TMEM120B: variants seen among roughly 807,000 people sequenced by gnomAD.
The protein encoded by TMEM120B is transmembrane protein 120B.
TMEM120B carries 31 observed loss-of-function variants against 55.5 expected under a neutral mutation model. The ratio of observed to expected loss-of-function variants is 0.56; its 90% CI spans 0.42 to 0.75. TMEM120B has a LOEUF of 0.75. TMEM120B is among the 30% of genes least tolerant of loss of function. TMEM120B has a pLI of 0.00. For synonymous variants in TMEM120B, 203 were observed against 176.3 expected, an observed-to-expected ratio of 1.15 and a Z score of -1.20; for missense variants, 399 against 425.5, an observed-to-expected ratio of 0.94 and a Z score of 0.55.
At chr12:121,720,724 A>C (rs1272871212) in intron 1 of TMEM120B, among the ~76,000 whole-genome samples, 1 of 152,102 alleles carries the variant, frequency 6.6e-6, no homozygotes, top group East Asian at 1.9e-4. Context: ...CAAAAGAAAA[A>C]AAAAAGGAAT....
intron 6 of TMEM120B, among the ~76,000 whole-genome samples, chr12:121,770,319 TCACA>T (rs1281335759): frequency 6.6e-6 from 1 of 152,000 alleles, no homozygotes; most frequent in Non-Finnish European, 1.5e-5. Flanking sequence ...GAGACACCAG[TCACA>T]CTGGACTAGG....
At chr12:121,725,894 G>A (rs948809417) in intron 1 of TMEM120B, among the ~76,000 whole-genome samples, 20 of 152,068 alleles carry the variant, frequency 1.3e-4, no homozygotes, top group Middle Eastern at 3.4e-3. Context: ...AGAATTAGCC[G>A]GGTGTGGTGA....
chr12:121,757,148 G>A (rs1873501231), intron 5 of TMEM120B, among the ~76,000 whole-genome samples: 4 of 151,290 alleles, frequency 2.6e-5, no homozygotes, highest in Middle Eastern at 6.8e-3. Flanking sequence ...GGTGGGGGGG[G>A]GGGGTGTCAC....
In TMEM120B at chr12:121,752,204, C is replaced by A; in HGVS notation, c.442C>A (p.Arg148=). The change falls in exon 5 of 12, where the codon CGA becomes AGA. Residue 148 remains arginine (R), a synonymous_variant. Transcript: ENST00000449592. ...IILLLGAVAC[R]FVLHYRVTDE... is the part of the protein sequence containing the mutation. ...CCTGCTCCTGGGTGCCGTGGCATGT[C>A]GATTTGTCCTTCACTACAGGTAGTG... 1 of 1,613,754 alleles carries A rather than the reference C, an allele frequency of 6.2e-7. No individual in the cohort carries two copies. Among genetic ancestry groups the A allele is most frequent in the South Asian group, 1.1e-5 (1 of 91,078 alleles).
chr12:121,770,702 G>C (rs1344474253), intron 6 of TMEM120B, among the ~76,000 whole-genome samples: 1 of 152,140 alleles, frequency 6.6e-6, no homozygotes, highest in Non-Finnish European at 1.5e-5. Context: ...TGGGAGTCCA[G>C]GCTAATCTGC....
rs1251234965 is a variant in TMEM120B, at chr12:121,780,700, GT to G, written c.*4979del. 2.8e-6 allele frequency: 2 copies of G among 718,466 alleles called. No individual in the cohort carries two copies. The highest frequency in any genetic ancestry group is 3.6e-5 in the African/African-American group (2 of 55,984). The allele number at this position is 718,466 out of a possible 1,614,324, so 44.5% of individuals were successfully genotyped here. ...CGAGTCCTAAGGATTGGGAGTAGTCGTGTAAAGTGCTCAGGTCCACAGGCCA... is the reference window on the plus strand; with the variant it reads ...CGAGTCCTAAGGATTGGGAGTAGTCGGTAAAGTGCTCAGGTCCACAGGCCA... On this transcript the variant is annotated 3_prime_UTR_variant, in exon 12 of 12. Coordinates refer to ENST00000449592, the MANE Select transcript of TMEM120B (RefSeq NM_001080825.2).
chr12:121,746,103 T>G (rs536830130), intron 2 of TMEM120B, among the ~76,000 whole-genome samples: 19 of 152,070 alleles, frequency 1.2e-4, no homozygotes, highest in African/African-American at 4.6e-4. Context: ...TCAGGTGATC[T>G]GCCCACTTCA....
chr12:121,767,382 G>A (rs1217373745), intron 6 of TMEM120B, among the ~76,000 whole-genome samples: 12 of 152,130 alleles, frequency 7.9e-5, no homozygotes, highest in African/African-American at 2.7e-4. Flanking sequence ...GGATGGTCTC[G>A]ATCTCCTGAC....
In TMEM120B at chr12:121,765,129, C is replaced by CTTTT. The variant is rs775861260; in HGVS notation, c.551+3406_551+3409dup. On this transcript the variant is annotated intron_variant, in intron 6 of 11. Transcript: ENST00000449592. ...TTTTTTTCTTTTCTTTCTTTTCTTT[C>CTTTT]TTTTTTTTTTTTTTTTTTGAGACAG... Among the ~76,000 whole-genome samples, 82 of 133,678 alleles carry CTTTT rather than the reference C, an allele frequency of 6.1e-4. 1 individual carries two copies. Among genetic ancestry groups the CTTTT allele is most frequent in the African/African-American group, 1.8e-3 (65 of 35,660 alleles). 87.7% of individuals were successfully genotyped at this position (133,678 alleles called of 152,430 possible).
chr12:121,723,972 A>AT (rs1894843340), intron 1 of TMEM120B, among the ~76,000 whole-genome samples: 2 of 150,470 alleles, frequency 1.3e-5, no homozygotes, highest in African/African-American at 4.9e-5. Context: ...GTTATAATTA[A>AT]ATTTTTTTTT....
At chr12:121,725,529 CG>C (rs1445067635) in intron 1 of TMEM120B, among the ~76,000 whole-genome samples, 3 of 152,082 alleles carry the variant, frequency 2.0e-5, no homozygotes, top group African/African-American at 7.2e-5. Flanking sequence ...TACATGACAT[CG>C]GATCTTCATA....
chr12:121,727,734 C>T (rs1259513009), intron 1 of TMEM120B, among the ~76,000 whole-genome samples: 6 of 151,100 alleles, frequency 4.0e-5, no homozygotes, highest in African/African-American at 1.5e-4. Flanking sequence ...ATTAGACAGG[C>T]GTGGTGGCAG....
rs1422805473 is a variant in TMEM120B, at chr12:121,775,755, C to G, written c.*33C>G. 1.2e-6 allele frequency: 2 copies of G among 1,610,124 alleles called. No individual in the cohort carries two copies. Among genetic ancestry groups the G allele is most frequent in the African/African-American group, 1.3e-5 (1 of 74,886 alleles). On this transcript the variant is annotated 3_prime_UTR_variant, in exon 12 of 12. Coordinates refer to ENST00000449592, the MANE Select transcript of TMEM120B (RefSeq NM_001080825.2). The surrounding 1 kb of genome is among the most constrained non-coding windows in gnomAD (Gnocchi z 4.3). ...GCTCCTGTGCCCTCGGCCCGGACTTCAGACTGCAGGGGGCTCCCGGGCTCC... is the reference window on the plus strand; with the variant it reads ...GCTCCTGTGCCCTCGGCCCGGACTTGAGACTGCAGGGGGCTCCCGGGCTCC...
In TMEM120B at chr12:121,776,361, A is replaced by C. The variant is rs983885393; in HGVS notation, c.*639A>C. On this transcript the variant is annotated 3_prime_UTR_variant, in exon 12 of 12. Transcript: ENST00000449592. ...GGCGCCCCGGGCCCTGGGTCGTCCA[A>C]GGGGACAAGGACGTTCCCGTCTGTG... 6.4e-6 allele frequency: 1 copy of C among 156,114 alleles called. No individual in the cohort carries two copies. The highest frequency in any genetic ancestry group is 6.5e-5 in the Admixed American group (1 of 15,418). The allele number at this position is 156,114 out of a possible 1,614,324, so 9.7% of individuals were successfully genotyped here.
At chr12:121,773,719 T>G (rs1000799398) in intron 9 of TMEM120B, among the ~76,000 whole-genome samples, 2 of 152,134 alleles carry the variant, frequency 1.3e-5, no homozygotes, top group African/African-American at 2.4e-5. Flanking sequence ...GGGCAGGGCC[T>G]CTGTCTCAGC....
rs548959730 is a variant in TMEM120B at position 121,730,354 on chromosome 12, GAC to G, written c.70-13271_70-13270del. On this transcript the variant is annotated intron_variant, in intron 1 of 11. Transcript: ENST00000449592. ...GTGATAAATAAGCCAGTCATTAAAG[GAC>G]ACATACTGGTCTGGGCACGGTGGCT... Among the ~76,000 whole-genome samples, 5 of 150,694 alleles carry G rather than the reference GAC, an allele frequency of 3.3e-5. No homozygotes were observed. The South Asian group carries it at 1.0e-3, about 32-fold the overall frequency.
chr12:121,773,272 T>G, intron 8 of TMEM120B, 149 bp from the exon 9 acceptor site: 1 of 616,030 alleles, frequency 1.6e-6, no homozygotes, highest in South Asian at 1.9e-5. Context: ...CTGTTTGTGG[T>G]GTGTGGGCGT....
chr12:121,750,880 A>AC (rs1873277909), intron 4 of TMEM120B, among the ~76,000 whole-genome samples: 1 of 55,886 alleles, frequency 1.8e-5, no homozygotes, highest in Non-Finnish European at 3.5e-5. Flanking sequence ...CACACCACAC[A>AC]CCACACCCCA....
At chr12:121,757,946 C>A (rs1873532989) in intron 5 of TMEM120B, among the ~76,000 whole-genome samples, 2 of 152,238 alleles carry the variant, frequency 1.3e-5, no homozygotes, top group African/African-American at 4.8e-5. Flanking sequence ...AGCCACTGTG[C>A]CCAGCCAAGA....
Sources: gnomAD v4.1 joint callset for allele counts (sites outside exome capture counted in the v4.1 genomes callset) on GRCh38, gnomAD v4.1.1 for gene constraint, Gnocchi (gnomAD v3.1) non-coding constraint, MANE v1.5 for transcripts, NCBI Gene and HGNC (gene_info 2026-07-23, HGNC 2026-07-21) for gene names.